RASEF: variants seen among roughly 807,000 people sequenced by gnomAD.
RASEF encodes RAS and EF-hand domain containing, also known as ras and EF-hand domain-containing protein.
RASEF carries 68 observed loss-of-function variants against 90.1 expected under a neutral mutation model. The ratio of observed to expected loss-of-function variants is 0.75; its 90% CI spans 0.62 to 0.92. The LOEUF is 0.92. Ranked by LOEUF, RASEF falls within the 40% of genes least tolerant of loss-of-function variation. The pLI, the probability that RASEF is intolerant of heterozygous loss-of-function variation, is 0.00. For synonymous variants in RASEF, 331 were observed against 345.2 expected (o/e 0.96, Z 0.46); for missense variants, 949 against 937.2 (o/e 1.01, Z -0.16).
At chr9:83,105,909 T>G in the RASEF span, among the ~76,000 whole-genome samples, 1 of 152,168 alleles carries the variant, frequency 6.6e-6, no homozygotes, top group Non-Finnish European at 1.5e-5. Flanking sequence ...GCCAAGTGGC[T>G]ACAGAAATAG....
intron 1 of RASEF, chr9:83,055,768 GA>G: frequency 1.5e-6 from 1 of 661,474 alleles, no homozygotes. Flanking sequence ...TTGCCAAAAT[GA>G]AAATAAGAAT....
Position 83,025,781 on chromosome 9 carries a change from A to G in RASEF, c.572T>C (p.Val191Ala). The change falls in exon 2 of 17, where the codon GTG becomes GCG. Residue 191 changes from valine (V) to alanine (A), a missense_variant. Around this residue, in one of 3 missense-constraint regions of RASEF, gnomAD observed 656 missense variants for 592.2 expected, o/e 1.11. Transcript: ENST00000376447. ...STEMENLAIA[V>A]KRAQDKAAMQ... Reference sequence around the variant, plus strand: ...AAAGGAAGGACTTCAATACCTCTTCACCGCAATGGCCAAATTTTCCATTTC... The same window carrying G: ...AAAGGAAGGACTTCAATACCTCTTCGCCGCAATGGCCAAATTTTCCATTTC... 6.2e-7 allele frequency: 1 copy of G among 1,613,284 alleles called. No individual in the cohort carries two copies. The highest frequency in any genetic ancestry group is 8.5e-7 in the Non-Finnish European group (1 of 1,179,598).
At chr9:83,076,907 T>C in the RASEF span, among the ~76,000 whole-genome samples, 3 of 152,330 alleles carry the variant, frequency 2.0e-5, no homozygotes, top group Admixed American at 2.0e-4. Context: ...ATAAACAGTA[T>C]TCCAAAATCA....
chr9:83,069,008 CAG>C, the RASEF span, among the ~76,000 whole-genome samples: 10 of 152,056 alleles, frequency 6.6e-5, no homozygotes, highest in African/African-American at 1.4e-4. Context: ...TTTTTGCAAA[CAG>C]AAACTGTTAA....
At chr9:83,015,936 A>C (rs2118529391) in intron 3 of RASEF, 36 bp from the exon 4 acceptor site, 1 of 1,511,426 alleles carries the variant, frequency 6.6e-7, no homozygotes, top group South Asian at 1.1e-5. Flanking sequence ...CATTTAAATA[A>C]GTTCACCCTC....
intron 2 of RASEF, 102 bp from the exon 3 acceptor site, chr9:83,022,528 G>T: frequency 1.3e-6 from 1 of 781,388 alleles, no homozygotes. Context: ...TATTACAGAT[G>T]AAGAGAAACA....
At chr9:83,107,840 C>G in the RASEF span, among the ~76,000 whole-genome samples, 1 of 152,168 alleles carries the variant, frequency 6.6e-6, no homozygotes, top group Non-Finnish European at 1.5e-5. Flanking sequence ...GACCAATAAA[C>G]TCTTGTTGTT....
At chr9:83,093,117 T>C in the RASEF span, among the ~76,000 whole-genome samples, 1 of 152,178 alleles carries the variant, frequency 6.6e-6, no homozygotes, top group African/African-American at 2.4e-5. Flanking sequence ...AGGGTGCTGA[T>C]TGGTGTGTTT....
chr9:83,209,226 G>A, the RASEF span, among the ~76,000 whole-genome samples: 46 of 152,318 alleles, frequency 3.0e-4, no homozygotes, highest in African/African-American at 1.1e-3. Context: ...GGGTTCACTT[G>A]GATGTCTTGG....
chr9:83,201,413 G>A, the RASEF span, among the ~76,000 whole-genome samples: 9 of 152,282 alleles, frequency 5.9e-5, no homozygotes, highest in East Asian at 1.5e-3. Context: ...GCCAGAGTTC[G>A]GATATTCTCT....
chr9:83,111,434 G>A, the RASEF span, among the ~76,000 whole-genome samples: 1 of 151,990 alleles, frequency 6.6e-6, no homozygotes, highest in Admixed American at 6.6e-5. Context: ...ATATAGCATG[G>A]TACTATAGTT....
the RASEF span, among the ~76,000 whole-genome samples, chr9:83,074,372 C>A: frequency 2.0e-5 from 3 of 152,102 alleles, no homozygotes; most frequent in Non-Finnish European, 4.4e-5. Context: ...TTGAGAATTA[C>A]AAGTCTGTTG....
At chr9:83,177,017 A>C in the RASEF span, among the ~76,000 whole-genome samples, 3 of 152,084 alleles carry the variant, frequency 2.0e-5, no homozygotes, top group Non-Finnish European at 4.4e-5. Flanking sequence ...TCTTACTCCA[A>C]TATGGCTTTA....
chr9:83,020,743 C>G (rs1018033178), intron 3 of RASEF, among the ~76,000 whole-genome samples: 1 of 152,100 alleles, frequency 6.6e-6, no homozygotes, highest in Non-Finnish European at 1.5e-5. Context: ...TCCCCATTAC[C>G]AGCAACAAAT....
At chr9:83,173,599 T>G in the RASEF span, among the ~76,000 whole-genome samples, 3 of 151,806 alleles carry the variant, frequency 2.0e-5, no homozygotes, top group Admixed American at 6.6e-5. Flanking sequence ...TATTATTGTT[T>G]CAATCTCTTT....
intron 16 of RASEF, 32 bp downstream of exon 16, chr9:82,990,359 T>C (rs781777471): frequency 1.3e-6 from 2 of 1,523,526 alleles, no homozygotes; most frequent in Non-Finnish European, 1.8e-6. Context: ...CAAGCGAAAA[T>C]TCAATCCTAC....
chr9:83,096,012 A>G, the RASEF span, among the ~76,000 whole-genome samples: 3 of 152,172 alleles, frequency 2.0e-5, no homozygotes, highest in Non-Finnish European at 2.9e-5. Flanking sequence ...TCACATTGAG[A>G]TACCTAGAGT....
At chr9:83,007,748 A>T (rs184277101) in intron 6 of RASEF, among the ~76,000 whole-genome samples, 330 of 152,170 alleles carry the variant, frequency 2.2e-3, no homozygotes, top group Admixed American at 6.7e-3. Context: ...CGCCTCCGAC[A>T]TCACAAGCCT....
intron 1 of RASEF, among the ~76,000 whole-genome samples, chr9:83,045,061 G>A (rs1176774257): frequency 6.6e-6 from 1 of 152,126 alleles, no homozygotes; most frequent in Non-Finnish European, 1.5e-5. Context: ...ACAGTCACAC[G>A]AGTCAATTCC....
Sources: gnomAD v4.1 joint callset for allele counts (sites outside exome capture counted in the v4.1 genomes callset) on GRCh38, gnomAD v4.1.1 for gene constraint, gnomAD v4.1.1 regional missense constraint, MANE v1.5 for transcripts, NCBI Gene and HGNC (gene_info 2026-07-23, HGNC 2026-07-21) for gene names.